The following TNIK variants were observed in gnomAD, a reference collection of about 807,000 sequenced individuals.
The protein encoded by TNIK is TRAF2 and NCK-interacting protein kinase.
In TNIK, 49 loss-of-function variants were observed where a neutral mutation model predicts 191.3. The observed-to-expected ratio is 0.26, with a 90% CI of 0.20 to 0.32. TNIK has a LOEUF of 0.32. Ranked by LOEUF, TNIK falls within the 10% of genes least tolerant of loss-of-function variation. The probability of loss-of-function intolerance (pLI) is 1.00; values close to 1 mark genes in which losing one functional copy is unlikely to be tolerated. For missense variants in TNIK, 1,155 were observed against 1,702.3 expected (o/e 0.68, Z 5.66); for synonymous variants, 594 against 600.9 (o/e 0.99, Z 0.17).
chr3:171,129,683 G>T (rs546596607), intron 15 of TNIK, among the ~76,000 whole-genome samples: 1 of 152,008 alleles, frequency 6.6e-6, no homozygotes, highest in East Asian at 1.9e-4. Flanking sequence ...TTTCTTCCAG[G>T]GTCTCTTTCA....
In TNIK at chr3:171,100,599, A is replaced by T. The variant is rs188799665; in HGVS notation, c.2591+850T>A. On this transcript the variant is annotated intron_variant, in intron 22 of 32. Transcript: ENST00000436636. ...GTGAAGATGGAAAAATTAGCATCTC[A>T]TTCTATCAAAGTTGTAGGAGACCAG... 6.3e-4 allele frequency among the ~76,000 whole-genome samples: 96 copies of T among 152,130 alleles called. 1 individual carries two copies. The highest frequency in any genetic ancestry group is 2.3e-3 in the African/African-American group (95 of 41,514).
At chr3:171,458,063 T>C (rs967203294) in intron 1 of TNIK, among the ~76,000 whole-genome samples, 4 of 152,006 alleles carry the variant, frequency 2.6e-5, no homozygotes, top group African/African-American at 7.3e-5. Flanking sequence ...TGCTTTCCAG[T>C]AGAGGAGCAA....
chr3:171,159,931 T>C lies in TNIK; in HGVS notation c.1016+1339A>G, dbSNP rs754465703. ...GTTAAGGTACGGCTGGGCTGGCTCGTTGAGTGACTCCTAATATGCAGTTTA... is the reference window on the plus strand; with the variant it reads ...GTTAAGGTACGGCTGGGCTGGCTCGCTGAGTGACTCCTAATATGCAGTTTA... On this transcript the variant is annotated intron_variant, in intron 11 of 32. Coordinates refer to ENST00000436636, the MANE Select transcript of TNIK (RefSeq NM_015028.4). The surrounding 1 kb of genome is among the most constrained non-coding windows in gnomAD (Gnocchi z 4.1). Among the ~76,000 whole-genome samples the C allele has an allele frequency of 6.6e-6, 1 of 152,234 alleles. No homozygotes were observed. The highest frequency in any genetic ancestry group is 2.4e-5 in the African/African-American group (1 of 41,466).
intron 1 of TNIK, among the ~76,000 whole-genome samples, chr3:171,398,995 G>A (rs899009038): frequency 1.3e-5 from 2 of 152,104 alleles, no homozygotes; most frequent in African/African-American, 4.8e-5. Context: ...CCCACAGTAG[G>A]TCACTTCTCT....
intron 12 of TNIK, among the ~76,000 whole-genome samples, chr3:171,152,795 G>A (rs989481451): frequency 3.0e-4 from 45 of 150,490 alleles, no homozygotes; most frequent in African/African-American, 9.5e-4. Context: ...TTTTTGAGAC[G>A]GAGTCTTGCT....
chr3:171,217,432 T>G (rs1241343553), intron 3 of TNIK, among the ~76,000 whole-genome samples: 1 of 152,050 alleles, frequency 6.6e-6, no homozygotes, highest in African/African-American at 2.4e-5. Context: ...TAAAACTGAC[T>G]GTTAGGTACT....
At chr3:171,144,511 T>C (rs772071307) in intron 12 of TNIK, among the ~76,000 whole-genome samples, 1 of 152,238 alleles carries the variant, frequency 6.6e-6, no homozygotes, top group Non-Finnish European at 1.5e-5. Flanking sequence ...CATGTAATAA[T>C]TGGACATATT....
intron 2 of TNIK, among the ~76,000 whole-genome samples, chr3:171,248,213 A>T (rs1745828399): frequency 6.6e-6 from 1 of 152,236 alleles, no homozygotes; most frequent in Non-Finnish European, 1.5e-5. Flanking sequence ...AAGGCATAGA[A>T]GAAGGTCACC....
intron 1 of TNIK, among the ~76,000 whole-genome samples, chr3:171,377,970 C>T (rs1717489599): frequency 1.3e-5 from 2 of 152,252 alleles, no homozygotes; most frequent in African/African-American, 2.4e-5. Context: ...TGAAATTAAC[C>T]TGGGGTTACG....
intron 7 of TNIK, among the ~76,000 whole-genome samples, chr3:171,182,109 C>T (rs560925037): frequency 6.7e-6 from 1 of 150,280 alleles, no homozygotes; most frequent in Non-Finnish European, 1.5e-5. Flanking sequence ...TCTGCTAAGT[C>T]ACATGACCTA....
intron 2 of TNIK, chr3:171,347,348 T>G (rs888331908): frequency 1.1e-6 from 1 of 908,280 alleles, no homozygotes; most frequent in Admixed American, 2.6e-5. Flanking sequence ...GGTATACAAG[T>G]CCTAAGTGCC....
chr3:171,106,704 C>T (rs374502158), intron 21 of TNIK: 5 of 534,144 alleles, frequency 9.4e-6, no homozygotes, highest in Middle Eastern at 3.2e-4. Flanking sequence ...TTAACTAAAG[C>T]TGATGTTGCT....
chr3:171,355,149 C>A (rs772370020), intron 2 of TNIK, among the ~76,000 whole-genome samples: 8 of 152,162 alleles, frequency 5.3e-5, no homozygotes, highest in Non-Finnish European at 1.2e-4. Flanking sequence ...GACAGAGCAG[C>A]CATGGCTCCG....
At chr3:171,419,339 T>C (rs187669420) in intron 1 of TNIK, among the ~76,000 whole-genome samples, 194 of 152,324 alleles carry the variant, frequency 1.3e-3, no homozygotes, top group Middle Eastern at 6.8e-3. Flanking sequence ...AGTGATTGTT[T>C]AGGGCTGGGA....
At chr3:171,104,998 G>A (rs1266861517) in intron 21 of TNIK, among the ~76,000 whole-genome samples, 1 of 151,540 alleles carries the variant, frequency 6.6e-6, no homozygotes, top group Non-Finnish European at 1.5e-5. Context: ...TATATTCAAA[G>A]ACTATATTAA....
chr3:171,115,336 A>G (rs894175507), intron 18 of TNIK, among the ~76,000 whole-genome samples: 1 of 152,224 alleles, frequency 6.6e-6, no homozygotes, highest in Non-Finnish European at 1.5e-5. Context: ...TGTGAAACTT[A>G]CCGGACCAGG....
chr3:171,227,917 T>C (rs1007512808), intron 3 of TNIK, among the ~76,000 whole-genome samples: 1 of 152,206 alleles, frequency 6.6e-6, no homozygotes, highest in African/African-American at 2.4e-5. Context: ...TTACATGAGA[T>C]AGTCAACATT....
intron 1 of TNIK, among the ~76,000 whole-genome samples, chr3:171,415,627 C>T (rs1722946517): frequency 6.6e-6 from 1 of 151,986 alleles, no homozygotes; most frequent in Non-Finnish European, 1.5e-5. Flanking sequence ...ATTGGAACAG[C>T]CATGACTCCA....
At chr3:171,268,082 T>C (rs1173619187) in intron 2 of TNIK, among the ~76,000 whole-genome samples, 3 of 152,202 alleles carry the variant, frequency 2.0e-5, no homozygotes, top group Non-Finnish European at 4.4e-5. Context: ...TTGAGCCTGA[T>C]TGGGAGTTGA....
Sources: allele counts gnomAD v4.1 joint callset (sites outside exome capture counted in the v4.1 genomes callset), GRCh38; gene constraint gnomAD v4.1.1; non-coding constraint Gnocchi (gnomAD v3.1); transcripts MANE v1.5; gene names NCBI Gene and HGNC (gene_info 2026-07-23, HGNC 2026-07-21).